Variants in SH3GLB2 observed in about 807,000 individuals in gnomAD.
SH3GLB2 encodes endophilin-B2.
A neutral mutation model predicts 48.0 loss-of-function variants in SH3GLB2; 24 were observed. The ratio of observed to expected loss-of-function variants is 0.50; its 90% CI spans 0.36 to 0.70. The LOEUF is 0.70. Ranked by LOEUF, SH3GLB2 falls within the 30% of genes least tolerant of loss-of-function variation. SH3GLB2 has a pLI of 0.00. For synonymous variants in SH3GLB2, 227 were observed against 207.6 expected (o/e 1.09, Z -0.80); for missense variants, 425 against 516.0 (o/e 0.82, Z 1.71).
rs60400704 is a variant in SH3GLB2, at chr9:129,020,206, CAAAAAAAAAAAAA to C, written c.334+872_334+884del. On this transcript the variant is annotated intron_variant, in intron 3 of 10. Transcript: ENST00000372564. ...GGACAACAGAGCAAAACTCCATCTC[CAAAAAAAAAAAAA>C]AAAAAAAAAAAAAGTCAGGTTCCCA... 6.5e-4 allele frequency among the ~76,000 whole-genome samples: 15 copies of C among 22,994 alleles called. 1 individual carries two copies. Among genetic ancestry groups the C allele is most frequent in the Non-Finnish European group, 8.8e-4 (12 of 13,568 alleles). 15.1% of individuals were successfully genotyped at this position (22,994 alleles called of 152,430 possible). A position where few individuals can be genotyped will look rare whatever the true frequency, so the allele number is the denominator to read the frequency against.
rs746176389 is a variant in SH3GLB2 at position 129,014,009 on chromosome 9, G to A, written c.561+402C>T. 19 of 468,528 alleles carry A rather than the reference G, an allele frequency of 4.1e-5. No individual in the cohort carries two copies. The highest frequency in any genetic ancestry group is 3.2e-4 in the Middle Eastern group (1 of 3,122). 29.0% of individuals were successfully genotyped at this position (468,528 alleles called of 1,614,324 possible). The stretch of plus-strand genomic sequence containing the variant: ...AGGTTTTCCACACCATCGTGGGGGC[G>A]CCTGAGCACAGGGACCCTCGGCCTG... On this transcript the variant is annotated intron_variant, in intron 5 of 10. Transcript: ENST00000372564. The surrounding 1 kb of genome is among the most constrained non-coding windows in gnomAD (Gnocchi z 4.1).
At position 129,007,668 on chromosome 9, in the gene SH3GLB2, AC is replaced by A. The variant is rs1270311205; in HGVS notation, c.*1015del. On this transcript the variant is annotated 3_prime_UTR_variant, in exon 11 of 11. Transcript: ENST00000372564. ...TGTGGACACTGAGGACGGCATGAGA[AC>A]CCATGGCACGGGGGCACATGCTGGG... is the stretch of plus-strand genomic sequence containing the variant. The A allele has an allele frequency of 1.3e-5, 2 of 152,176 alleles. No homozygotes were observed. Among genetic ancestry groups the A allele is most frequent in the African/African-American group, 2.4e-5 (1 of 41,428 alleles). The allele number at this position is 152,176 out of a possible 1,614,324, so 9.4% of individuals were successfully genotyped here. A position where few individuals can be genotyped will look rare whatever the true frequency, so the allele number is the denominator to read the frequency against.
intron 5 of SH3GLB2, chr9:129,012,885 TC>T: frequency 7.9e-7 from 1 of 1,266,234 alleles, no homozygotes; most frequent in East Asian, 2.5e-5. Context: ...CAGTAGAGGC[TC>T]TGGCGGGGAG....
At position 129,028,252 on chromosome 9, in the gene SH3GLB2, C is replaced by T. The variant is rs11537529; in HGVS notation, c.-98G>A. ...CGCACCCCGCCCACCTGCTGCGGGG[C>T]ACCAGCCCTCCGCGCACCCGCCTGC... On this transcript the variant is annotated 5_prime_UTR_variant, in exon 1 of 11. Coordinates refer to ENST00000372564, the MANE Select transcript of SH3GLB2 (RefSeq NM_020145.4). 0.45 allele frequency: 354,921 copies of T among 790,016 alleles called. 83,476 individuals are homozygous for T. Among genetic ancestry groups the T allele is most frequent in the Non-Finnish European group, 0.48 (310,641 of 646,946 alleles). 48.9% of individuals were successfully genotyped at this position (790,016 alleles called of 1,614,324 possible).
At chr9:129,024,601 T>C (rs1844028960) in intron 1 of SH3GLB2, among the ~76,000 whole-genome samples, 2 of 150,148 alleles carry the variant, frequency 1.3e-5, no homozygotes, top group Admixed American at 6.6e-5. Context: ...CACCCACCTG[T>C]AGTCCCAGCT....
At chr9:129,027,490 G>C (rs1664153380) in intron 1 of SH3GLB2, among the ~76,000 whole-genome samples, 1 of 152,162 alleles carries the variant, frequency 6.6e-6, no homozygotes, top group African/African-American at 2.4e-5. Flanking sequence ...TCAGCATCGT[G>C]GGCCTGGACA....
At chr9:129,026,189 A>T (rs555928495) in intron 1 of SH3GLB2, among the ~76,000 whole-genome samples, 56 of 152,246 alleles carry the variant, frequency 3.7e-4, no homozygotes, top group Admixed American at 2.7e-3. Flanking sequence ...TCCTCATCTC[A>T]GGGCCAAGGC....
chr9:129,009,987 CT>C (rs1271672084), intron 8 of SH3GLB2, 116 bp from the exon 9 acceptor site: 3 of 1,362,440 alleles, frequency 2.2e-6, no homozygotes, highest in Non-Finnish European at 3.1e-6. Context: ...TGCCCTGCCC[CT>C]GCGCCCACAC....
intron 3 of SH3GLB2, among the ~76,000 whole-genome samples, chr9:129,016,424 G>A (rs1314363249): frequency 6.6e-6 from 1 of 150,866 alleles, no homozygotes; most frequent in Non-Finnish European, 1.5e-5. Context: ...ACTTTGGAAG[G>A]CTGAGGCAGG....
At position 129,020,206 on chromosome 9, in the gene SH3GLB2, C is replaced by CAAAA. The variant is rs60400704; in HGVS notation, c.334+881_334+884dup. On this transcript the variant is annotated intron_variant, in intron 3 of 10. Transcript: ENST00000372564. ...GGACAACAGAGCAAAACTCCATCTC[C>CAAAA]AAAAAAAAAAAAAAAAAAAAAAAAA... is the stretch of plus-strand genomic sequence containing the variant. Among the ~76,000 whole-genome samples, 6 of 22,986 alleles carry CAAAA rather than the reference C, an allele frequency of 2.6e-4. 1 individual carries two copies. The highest frequency in any genetic ancestry group is 3.7e-4 in the Non-Finnish European group (5 of 13,568). The allele number at this position is 22,986 out of a possible 152,430, so 15.1% of individuals were successfully genotyped here.
chr9:129,028,104 G>C lies in SH3GLB2; in HGVS notation c.51C>G (p.Thr17=). The part of the protein sequence containing the change: ...KLASDAGIFF[T]RAVQFTEEKF... The stretch of plus-strand genomic sequence containing the variant: ...CGCCAGGCCTCACCTGCACCGCCCG[G>C]GTGAAGAAGATGCCCGCGTCCGACG... The change falls in exon 1 of 11, where the codon ACC becomes ACG. Residue 17 remains threonine (T), a synonymous_variant. Coordinates refer to ENST00000372564, the MANE Select transcript of SH3GLB2 (RefSeq NM_020145.4). 1 of 1,500,818 alleles carries C rather than the reference G, an allele frequency of 6.7e-7. No homozygotes were observed. Among genetic ancestry groups the C allele is most frequent in the Non-Finnish European group, 8.9e-7 (1 of 1,127,846 alleles). 93.0% of individuals were successfully genotyped at this position (1,500,818 alleles called of 1,614,324 possible). A position where few individuals can be genotyped will look rare whatever the true frequency, so the allele number is the denominator to read the frequency against.
Position 129,027,635 on chromosome 9 carries a change from G to C in SH3GLB2, c.63+457C>G, listed in dbSNP as rs1844238156. Among the ~76,000 whole-genome samples the C allele has an allele frequency of 2.6e-5, 4 of 152,190 alleles. No individual in the cohort carries two copies. In the South Asian group the frequency reaches 8.3e-4, roughly 32 times the overall value. ...TCCAAACGTGTGAAATGGCCATGAG[G>C]GACTCATGGCACCAGCCGCCCATTG... On this transcript the variant is annotated intron_variant, in intron 1 of 10. Coordinates refer to ENST00000372564, the MANE Select transcript of SH3GLB2 (RefSeq NM_020145.4).
intron 1 of SH3GLB2, among the ~76,000 whole-genome samples, chr9:129,023,119 C>A (rs758486093): frequency 4.6e-5 from 7 of 152,182 alleles, no homozygotes; most frequent in Non-Finnish European, 8.8e-5. Context: ...TGCTGCCCCA[C>A]GTAAGGCACC....
At chr9:129,010,379 G>C in intron 7 of SH3GLB2, 170 bp from the exon 8 acceptor site, 2 of 656,168 alleles carry the variant, frequency 3.0e-6, no homozygotes, top group Non-Finnish European at 2.7e-6. Context: ...AGAGAAGCTA[G>C]AGCCCCACTC....
At chr9:129,010,824 CAG>C (rs1843077532) in intron 6 of SH3GLB2, 131 bp from the exon 7 acceptor site, 1 of 1,173,124 alleles carries the variant, frequency 8.5e-7, no homozygotes, top group Non-Finnish European at 1.2e-6. Flanking sequence ...CCCTCCCAAA[CAG>C]GAGCTGAGAC....
chr9:129,020,696 T>C (rs973184322), intron 3 of SH3GLB2, among the ~76,000 whole-genome samples: 2 of 149,698 alleles, frequency 1.3e-5, no homozygotes, highest in African/African-American at 4.9e-5. Context: ...TGAAACCTCG[T>C]CTCTACTAAA....
At chr9:129,018,113 T>C (rs1843550275) in intron 3 of SH3GLB2, among the ~76,000 whole-genome samples, 1 of 151,760 alleles carries the variant, frequency 6.6e-6, no homozygotes, top group African/African-American at 2.4e-5. Flanking sequence ...AATACTAACA[T>C]AGCACGACAT....
Position 129,008,538 on chromosome 9 carries a change from A to C in SH3GLB2, c.*146T>G. On this transcript the variant is annotated 3_prime_UTR_variant, in exon 11 of 11. Transcript: ENST00000372564. ...GAGCCATTCAGCCTCAGGCACCCTCACAGCTAGGTGACTAGGGGCAGGGAC... is the reference window on the plus strand; with the variant it reads ...GAGCCATTCAGCCTCAGGCACCCTCCCAGCTAGGTGACTAGGGGCAGGGAC... 1 of 649,838 alleles carries C rather than the reference A, an allele frequency of 1.5e-6. No homozygotes were observed. Among genetic ancestry groups the C allele is most frequent in the Non-Finnish European group, 2.7e-6 (1 of 365,720 alleles). 40.3% of individuals were successfully genotyped at this position (649,838 alleles called of 1,614,324 possible).
At position 129,009,157 on chromosome 9, in the gene SH3GLB2, G is replaced by A; in HGVS notation, c.1029C>T (p.Leu343=). ...TGCTGTCGGCTGCCTCGTAGTCATA[G>A]AGCACCCGAGCTTTGCGGGTCCCAC... is the stretch of plus-strand genomic sequence containing the variant. ...PASGTRKARV[L]YDYEAADSSE... The change falls in exon 10 of 11, where the codon CTC becomes CTT. Residue 343 remains leucine (L), a synonymous_variant. Coordinates refer to ENST00000372564, the MANE Select transcript of SH3GLB2 (RefSeq NM_020145.4). The A allele has an allele frequency of 6.2e-7, 1 of 1,611,678 alleles. No individual in the cohort carries two copies.
Sources: allele counts gnomAD v4.1 joint callset (sites outside exome capture counted in the v4.1 genomes callset), GRCh38; gene constraint gnomAD v4.1.1; non-coding constraint Gnocchi (gnomAD v3.1); transcripts MANE v1.5; gene names NCBI Gene and HGNC (gene_info 2026-07-23, HGNC 2026-07-21).